The following SIPA1L1 variants were observed in gnomAD, a reference collection of about 807,000 sequenced individuals.
SIPA1L1 encodes signal induced proliferation associated 1 like 1, also known as signal-induced proliferation-associated 1-like protein 1.
Under a neutral mutation model 162.7 loss-of-function variants are expected in SIPA1L1, and 26 were observed. The ratio of observed to expected loss-of-function variants is 0.16; its 90% CI spans 0.12 to 0.22. The LOEUF (loss-of-function observed/expected upper bound fraction) is 0.22, where lower values mean the gene tolerates loss of function less well. Among genes scored for constraint, SIPA1L1 ranks in the 10% least tolerant of loss-of-function variants. SIPA1L1 has a pLI of 1.00. For synonymous variants in SIPA1L1, 829 were observed against 837.4 expected (o/e 0.99, Z 0.17); for missense variants, 1,874 against 2,241.0 (o/e 0.84, Z 3.31).
At chr14:71,381,850 C>T (rs2039931516) in intron 2 of SIPA1L1, among the ~76,000 whole-genome samples, 1 of 152,100 alleles carries the variant, frequency 6.6e-6, no homozygotes, top group African/African-American at 2.4e-5. Flanking sequence ...TCTTTCTATG[C>T]CTAATTCCTT....
chr14:71,352,833 G>A (rs2036852988), intron 2 of SIPA1L1, among the ~76,000 whole-genome samples: 1 of 152,202 alleles, frequency 6.6e-6, no homozygotes, highest in Admixed American at 6.5e-5. Context: ...GCATGTGAGA[G>A]CTCCACAGAC....
intron 2 of SIPA1L1, among the ~76,000 whole-genome samples, chr14:71,430,782 A>G (rs528450089): frequency 3.9e-5 from 6 of 152,214 alleles, no homozygotes; most frequent in South Asian, 2.1e-4. Flanking sequence ...CTTGCTTGCA[A>G]TTTCTCTTTC....
At chr14:71,689,469 A>G (rs1240272185) in intron 13 of SIPA1L1, among the ~76,000 whole-genome samples, 1 of 152,184 alleles carries the variant, frequency 6.6e-6, no homozygotes, top group African/African-American at 2.4e-5. Flanking sequence ...GCTTAAGGGT[A>G]GGATTGAAAT....
At chr14:71,577,083 AAAG>A (rs2033157211) in intron 4 of SIPA1L1, among the ~76,000 whole-genome samples, 3 of 151,538 alleles carry the variant, frequency 2.0e-5, no homozygotes, top group Non-Finnish European at 4.4e-5. Flanking sequence ...AAAAAAAAAA[AAAG>A]AAGAAAAAGA....
chr14:71,349,459 T>C (rs1406613418), intron 2 of SIPA1L1, among the ~76,000 whole-genome samples: 1 of 152,150 alleles, frequency 6.6e-6, no homozygotes, highest in African/African-American at 2.4e-5. Context: ...CCTTTGGGGG[T>C]AATGTATTCT....
intron 12 of SIPA1L1, among the ~76,000 whole-genome samples, chr14:71,684,299 G>A (rs117473338): frequency 1.4e-3 from 209 of 152,350 alleles, no homozygotes; most frequent in Non-Finnish European, 2.5e-3. Context: ...ACTGAGATAT[G>A]TAGACAAGGT....
intron 2 of SIPA1L1, among the ~76,000 whole-genome samples, chr14:71,480,375 C>T (rs1434371172): frequency 6.6e-6 from 1 of 150,428 alleles, no homozygotes; most frequent in East Asian, 2.0e-4. Flanking sequence ...AGGCGTGAGC[C>T]ACCGTGCCCG....
chr14:71,365,730 ATTTT>A (rs745583708), intron 2 of SIPA1L1, among the ~76,000 whole-genome samples: 1 of 140,528 alleles, frequency 7.1e-6, no homozygotes, highest in Non-Finnish European at 1.6e-5. Context: ...GCTATTAAGT[ATTTT>A]TTTTTTTTTT....
intron 17 of SIPA1L1, among the ~76,000 whole-genome samples, chr14:71,714,929 T>G (rs1233441753): frequency 6.6e-6 from 1 of 152,196 alleles, no homozygotes; most frequent in East Asian, 1.9e-4. Flanking sequence ...TCCTCTCCCT[T>G]TTCAATATTT....
intron 2 of SIPA1L1, among the ~76,000 whole-genome samples, chr14:71,462,171 A>G (rs2046651304): frequency 6.6e-6 from 1 of 152,224 alleles, no homozygotes; most frequent in African/African-American, 2.4e-5. Flanking sequence ...TTCAGTTTCC[A>G]GCAAAGCCCA....
At chr14:71,618,166 A>G (rs2039039736) in intron 5 of SIPA1L1, among the ~76,000 whole-genome samples, 1 of 152,208 alleles carries the variant, frequency 6.6e-6, no homozygotes, top group African/African-American at 2.4e-5. Context: ...GCACTGTGGG[A>G]TACCGTGCTA....
chr14:71,560,885 C>G (rs1429505167), intron 4 of SIPA1L1, among the ~76,000 whole-genome samples: 1 of 152,044 alleles, frequency 6.6e-6, no homozygotes, highest in Non-Finnish European at 1.5e-5. Flanking sequence ...TTCAGATATT[C>G]TTCTGTAGTC....
intron 2 of SIPA1L1, among the ~76,000 whole-genome samples, chr14:71,488,585 G>T (rs950750343): frequency 6.6e-6 from 1 of 152,184 alleles, no homozygotes; most frequent in East Asian, 1.9e-4. Flanking sequence ...ATCAGTTGAT[G>T]CCATAATTAT....
intron 7 of SIPA1L1, among the ~76,000 whole-genome samples, chr14:71,649,665 C>T (rs1037785857): frequency 6.6e-6 from 1 of 152,020 alleles, no homozygotes; most frequent in African/African-American, 2.4e-5. Flanking sequence ...AAATATTTGC[C>T]ATTAGCTGAT....
intron 2 of SIPA1L1, among the ~76,000 whole-genome samples, chr14:71,417,794 C>G (rs1391368463): frequency 6.6e-6 from 1 of 152,058 alleles, no homozygotes; most frequent in Non-Finnish European, 1.5e-5. Flanking sequence ...TTTCTAAATG[C>G]TAACTATAAT....
At chr14:71,707,320 T>C (rs999449887) in intron 16 of SIPA1L1, among the ~76,000 whole-genome samples, 4 of 152,254 alleles carry the variant, frequency 2.6e-5, no homozygotes, top group African/African-American at 4.8e-5. Context: ...AAGAGTTCTA[T>C]ATGTTTTTTA....
intron 2 of SIPA1L1, among the ~76,000 whole-genome samples, chr14:71,472,866 A>AAAAT (rs1567070649): frequency 6.7e-6 from 1 of 148,276 alleles, no homozygotes; most frequent in Non-Finnish European, 1.5e-5. Context: ...AAAAAAAAAA[A>AAAAT]GCAGGGTCTT....
intron 2 of SIPA1L1, among the ~76,000 whole-genome samples, chr14:71,468,005 GGTGT>G (rs56265408): frequency 0.15 from 21,056 of 141,554 alleles, 2,037 homozygotes; most frequent in East Asian, 0.59. Context: ...CAGTTAGAGG[GGTGT>G]GTGTGTGTGT....
At chr14:71,716,925 C>T (rs1202524247) in intron 17 of SIPA1L1, among the ~76,000 whole-genome samples, 1 of 152,202 alleles carries the variant, frequency 6.6e-6, no homozygotes, top group African/African-American at 2.4e-5. Flanking sequence ...CTTTTTGAAA[C>T]AGTCTGGCTC....
Sources: allele counts gnomAD v4.1 joint callset (sites outside exome capture counted in the v4.1 genomes callset), GRCh38; gene constraint gnomAD v4.1.1; transcripts MANE v1.5; gene names NCBI Gene and HGNC (gene_info 2026-07-23, HGNC 2026-07-21).